Variants in HEMK2 observed in about 807,000 individuals in gnomAD.
HEMK2 encodes the protein HemK methyltransferase 2, ETF1 glutamine and histone H4 lysine.
chr21:28,841,709 G>A, the HEMK2 span, among the ~76,000 whole-genome samples: 1 of 151,314 alleles, frequency 6.6e-6, no homozygotes, highest in African/African-American at 2.4e-5. Flanking sequence ...TACAAATATG[G>A]TGCAGTGTAT....
the HEMK2 span, among the ~76,000 whole-genome samples, chr21:28,666,350 A>G: frequency 1.3e-5 from 2 of 152,212 alleles, no homozygotes; most frequent in African/African-American, 4.8e-5. Context: ...TACATTTAAG[A>G]TTCTTTAAAG....
chr21:28,862,941 T>C, the HEMK2 span, among the ~76,000 whole-genome samples: 1 of 152,226 alleles, frequency 6.6e-6, no homozygotes, highest in Non-Finnish European at 1.5e-5. Flanking sequence ...CGTGTCATTA[T>C]GACCTTATTA....
the HEMK2 span, among the ~76,000 whole-genome samples, chr21:28,649,202 C>T: frequency 3.3e-5 from 5 of 152,070 alleles, no homozygotes; most frequent in Admixed American, 3.3e-4. Flanking sequence ...TCAATATTTC[C>T]TTGCTTTTCC....
At chr21:28,704,085 A>C in the HEMK2 span, among the ~76,000 whole-genome samples, 2 of 152,160 alleles carry the variant, frequency 1.3e-5, no homozygotes, top group Non-Finnish European at 2.9e-5. Context: ...GAAGAAATAA[A>C]CCCCTTGATA....
the HEMK2 span, among the ~76,000 whole-genome samples, chr21:28,845,794 CT>C: frequency 2.7e-5 from 4 of 150,786 alleles, no homozygotes; most frequent in African/African-American, 9.7e-5. Flanking sequence ...TCTTTTTTTT[CT>C]TTAAAGTTTT....
At chr21:28,814,255 T>G in the HEMK2 span, among the ~76,000 whole-genome samples, 11 of 151,986 alleles carry the variant, frequency 7.2e-5, no homozygotes, top group Admixed American at 7.2e-4. Context: ...CACTTGAATG[T>G]AAGACCTAAA....
the HEMK2 span, among the ~76,000 whole-genome samples, chr21:28,700,146 AC>A: frequency 6.6e-6 from 1 of 151,856 alleles, no homozygotes; most frequent in African/African-American, 2.4e-5. Flanking sequence ...CCAAGTAGTG[AC>A]CCCCTTCCCC....
chr21:28,666,447 C>A, the HEMK2 span, among the ~76,000 whole-genome samples: 1 of 152,186 alleles, frequency 6.6e-6, no homozygotes, highest in Non-Finnish European at 1.5e-5. Context: ...ATCCAACATG[C>A]AAACAAGAAA....
the HEMK2 span, among the ~76,000 whole-genome samples, chr21:28,814,944 G>A: frequency 5.3e-5 from 8 of 152,188 alleles, no homozygotes; most frequent in East Asian, 9.6e-4. Flanking sequence ...TGTTTACAGC[G>A]GCACTATTCA....
the HEMK2 span, among the ~76,000 whole-genome samples, chr21:28,701,559 T>TACAC: frequency 0.069 from 3,161 of 45,722 alleles, 40 homozygotes; most frequent in Non-Finnish European, 0.076. Flanking sequence ...CACACACACA[T>TACAC]ACACACACAC....
the HEMK2 span, among the ~76,000 whole-genome samples, chr21:28,831,659 G>GA: frequency 5.1e-4 from 22 of 42,730 alleles, 1 homozygote; most frequent in East Asian, 7.7e-4. Flanking sequence ...AAGAAAGAAA[G>GA]AAAGAAAGAA....
chr21:28,610,468 A>G, the HEMK2 span, among the ~76,000 whole-genome samples: 6 of 152,116 alleles, frequency 3.9e-5, no homozygotes, highest in Non-Finnish European at 8.8e-5. Flanking sequence ...CAAAAATTTC[A>G]CAGGACCTAT....
the HEMK2 span, among the ~76,000 whole-genome samples, chr21:28,725,977 G>T: frequency 6.6e-6 from 1 of 152,080 alleles, no homozygotes; most frequent in Non-Finnish European, 1.5e-5. Flanking sequence ...AAAGAAATGG[G>T]ATACTCATCA....
the HEMK2 span, among the ~76,000 whole-genome samples, chr21:28,680,669 C>T: frequency 2.6e-5 from 4 of 152,062 alleles, no homozygotes; most frequent in Admixed American, 6.5e-5. Context: ...ACTGGCAAAC[C>T]GAATCCAGCA....
the HEMK2 span, among the ~76,000 whole-genome samples, chr21:28,599,837 C>T: frequency 6.6e-6 from 1 of 152,000 alleles, no homozygotes; most frequent in South Asian, 2.1e-4. Flanking sequence ...AGAAATTGGC[C>T]AAAACAAAGG....
chr21:28,595,146 C>T, the HEMK2 span, among the ~76,000 whole-genome samples: 2 of 152,056 alleles, frequency 1.3e-5, no homozygotes, highest in Non-Finnish European at 2.9e-5. Flanking sequence ...GTATCTGTAT[C>T]CTCCAACGTT....
the HEMK2 span, among the ~76,000 whole-genome samples, chr21:28,771,522 C>CCGCCG: frequency 8.4e-6 from 1 of 119,162 alleles, no homozygotes; most frequent in Non-Finnish European, 1.8e-5. Context: ...TGCACCACCC[C>CCGCCG]CCCCCGCCAA....
At chr21:28,667,419 G>C in the HEMK2 span, among the ~76,000 whole-genome samples, 3 of 152,270 alleles carry the variant, frequency 2.0e-5, no homozygotes, top group South Asian at 6.2e-4. Flanking sequence ...ATGGGGGAAA[G>C]AGAGAATAAA....
At chr21:28,863,591 G>T in the HEMK2 span, among the ~76,000 whole-genome samples, 1 of 151,182 alleles carries the variant, frequency 6.6e-6, no homozygotes, top group African/African-American at 2.4e-5. Context: ...CACAGACACT[G>T]GTGAAAACCT....
Sources: gnomAD v4.1 joint callset for allele counts (sites outside exome capture counted in the v4.1 genomes callset) on GRCh38, gnomAD v4.1.1 for gene constraint, MANE v1.5 for transcripts, NCBI Gene and HGNC (gene_info 2026-07-23, HGNC 2026-07-21) for gene names.